Variants in ITPR1 observed in about 807,000 individuals in gnomAD.
ITPR1 encodes the protein inositol 1,4,5-trisphosphate-gated calcium channel ITPR1.
Under a neutral mutation model 318.4 loss-of-function variants are expected in ITPR1, and 96 were observed. The observed-to-expected ratio is 0.30, with a 90% CI of 0.26 to 0.36. The LOEUF (loss-of-function observed/expected upper bound fraction) is 0.36, where lower values mean the gene tolerates loss of function less well. Ranked by LOEUF, ITPR1 falls within the 10% of genes least tolerant of loss-of-function variation. The pLI, the probability that ITPR1 is intolerant of heterozygous loss-of-function variation, is 1.00. For synonymous variants in ITPR1, 1,312 were observed against 1,289.9 expected (o/e 1.02, Z -0.37); for missense variants, 2,440 against 3,460.2 (o/e 0.71, Z 7.40).
At position 4,847,047 on chromosome 3, in the gene ITPR1, C is replaced by G. The variant is rs1172838584; in HGVS notation, c.*822C>G. ...ATGCATACTGCTGGCCAATCAGTGT[C>G]ATCTCCTGGGTAAATTTTGATGTCG... is the stretch of plus-strand genomic sequence containing the variant. On this transcript the variant is annotated 3_prime_UTR_variant, in exon 62 of 62. Coordinates refer to ENST00000649015, the MANE Select transcript of ITPR1 (RefSeq NM_001378452.1). 6.6e-6 allele frequency: 1 copy of G among 152,588 alleles called. No homozygotes were observed. The highest frequency in any genetic ancestry group is 1.5e-5 in the Non-Finnish European group (1 of 68,024). The allele number at this position is 152,588 out of a possible 1,614,324, so 9.5% of individuals were successfully genotyped here. A position where few individuals can be genotyped will look rare whatever the true frequency, so the allele number is the denominator to read the frequency against.
At chr3:4,671,958 T>G (rs1243844988) in intron 20 of ITPR1, among the ~76,000 whole-genome samples, 1 of 152,222 alleles carries the variant, frequency 6.6e-6, no homozygotes, top group Non-Finnish European at 1.5e-5. Flanking sequence ...AAACTTGCCT[T>G]ATTTATTCAA....
chr3:4,675,951 T>C (rs1378343699), intron 23 of ITPR1, among the ~76,000 whole-genome samples: 1 of 152,070 alleles, frequency 6.6e-6, no homozygotes, highest in East Asian at 1.9e-4. Flanking sequence ...GGCTTAGAGG[T>C]AGTATGGTGC....
At chr3:4,595,103 T>C (rs1188004136) in intron 4 of ITPR1, among the ~76,000 whole-genome samples, 2 of 152,248 alleles carry the variant, frequency 1.3e-5, no homozygotes, top group African/African-American at 4.8e-5. Flanking sequence ...CATGGGAATT[T>C]GCTGAGTCAA....
chr3:4,835,865 A>G (rs932123267), intron 60 of ITPR1, among the ~76,000 whole-genome samples: 1 of 152,196 alleles, frequency 6.6e-6, no homozygotes, highest in Non-Finnish European at 1.5e-5. Context: ...GGCATAAGCT[A>G]TAGACATCAA....
At chr3:4,759,734 A>G (rs946086598) in intron 44 of ITPR1, among the ~76,000 whole-genome samples, 1 of 152,210 alleles carries the variant, frequency 6.6e-6, no homozygotes, top group Non-Finnish European at 1.5e-5. Flanking sequence ...GGAGAGGAGC[A>G]CGTTACCCTG....
At chr3:4,810,528 A>C (rs2048868831) in intron 55 of ITPR1, among the ~76,000 whole-genome samples, 1 of 152,198 alleles carries the variant, frequency 6.6e-6, no homozygotes, top group Non-Finnish European at 1.5e-5. Context: ...CGCAATGTTA[A>C]CGTCACTAAT....
At chr3:4,834,928 A>C (rs554247654) in intron 60 of ITPR1, among the ~76,000 whole-genome samples, 2 of 152,342 alleles carry the variant, frequency 1.3e-5, no homozygotes, top group East Asian at 3.9e-4. Flanking sequence ...CTCCTCCAGC[A>C]GTCACGATAA....
intron 61 of ITPR1, among the ~76,000 whole-genome samples, chr3:4,841,124 T>G (rs1473298): frequency 0.029 from 4,493 of 152,318 alleles, 203 homozygotes; most frequent in South Asian, 0.2. Flanking sequence ...TTCCTTATAC[T>G]GTGCTGGGAC....
chr3:4,619,555 C>G (rs1302835169), intron 4 of ITPR1, among the ~76,000 whole-genome samples: 1 of 135,110 alleles, frequency 7.4e-6, no homozygotes, highest in Non-Finnish European at 1.6e-5. Flanking sequence ...CGCCCTTTCC[C>G]CCTTCCCCTG....
At chr3:4,659,150 A>G (rs1158530613) in intron 13 of ITPR1, among the ~76,000 whole-genome samples, 3 of 152,270 alleles carry the variant, frequency 2.0e-5, no homozygotes, top group East Asian at 3.9e-4. Flanking sequence ...TGTCACTGTC[A>G]TTTATGGATT....
intron 12 of ITPR1, among the ~76,000 whole-genome samples, chr3:4,657,143 GA>G (rs1161184087): frequency 3.9e-5 from 6 of 152,276 alleles, no homozygotes; most frequent in South Asian, 4.1e-4. Context: ...ATTAATGCTG[GA>G]CATCTTTTTC....
chr3:4,509,802 A>C (rs2081662705), intron 2 of ITPR1, among the ~76,000 whole-genome samples: 1 of 152,208 alleles, frequency 6.6e-6, no homozygotes, highest in Non-Finnish European at 1.5e-5. Context: ...AACTCTAAAA[A>C]ACAAAACCAG....
At chr3:4,806,367 T>C in intron 55 of ITPR1, 100 bp downstream of exon 55, 4 of 1,175,748 alleles carry the variant, frequency 3.4e-6, no homozygotes, top group Non-Finnish European at 5.0e-6. Context: ...TGGTGATTGG[T>C]GTGCCTGGTC....
intron 4 of ITPR1, among the ~76,000 whole-genome samples, chr3:4,620,130 A>G (rs2092570123): frequency 6.6e-6 from 1 of 152,120 alleles, no homozygotes; most frequent in Non-Finnish European, 1.5e-5. Context: ...CTTGAGCTAT[A>G]GTTAGAAGAC....
intron 44 of ITPR1, among the ~76,000 whole-genome samples, chr3:4,746,154 C>T (rs1333665620): frequency 1.3e-5 from 2 of 152,220 alleles, no homozygotes; most frequent in East Asian, 3.8e-4. Flanking sequence ...CACCTGTCAG[C>T]CTTTTTGCCT....
chr3:4,739,683 C>A (rs1281910542), intron 44 of ITPR1, among the ~76,000 whole-genome samples: 5 of 152,202 alleles, frequency 3.3e-5, no homozygotes, highest in Non-Finnish European at 5.9e-5. Context: ...TGAATAACCA[C>A]CTAAAAATTT....
At chr3:4,558,759 C>T (rs1275935624) in intron 4 of ITPR1, among the ~76,000 whole-genome samples, 1 of 152,098 alleles carries the variant, frequency 6.6e-6, no homozygotes, top group East Asian at 1.9e-4. Context: ...TAGAGTGATA[C>T]AGTGATCCCC....
At chr3:4,567,328 A>G (rs538805437) in intron 4 of ITPR1, among the ~76,000 whole-genome samples, 21 of 152,312 alleles carry the variant, frequency 1.4e-4, no homozygotes, top group African/African-American at 4.8e-4. Context: ...GATTGCTAAT[A>G]GAGTAATACC....
intron 2 of ITPR1, among the ~76,000 whole-genome samples, chr3:4,501,307 T>C (rs752828255): frequency 6.6e-6 from 1 of 152,214 alleles, no homozygotes; most frequent in Non-Finnish European, 1.5e-5. Context: ...TCAATAGTTT[T>C]CTTACTCTGA....
Sources: allele counts gnomAD v4.1 joint callset (sites outside exome capture counted in the v4.1 genomes callset), GRCh38; gene constraint gnomAD v4.1.1; transcripts MANE v1.5; gene names NCBI Gene and HGNC (gene_info 2026-07-23, HGNC 2026-07-21).